Variants in TFEC observed in about 807,000 individuals in gnomAD.
TFEC encodes transcription factor EC.
Under a neutral mutation model 41.6 loss-of-function variants are expected in TFEC, and 31 were observed. That is an observed-to-expected ratio of 0.74 (90% CI 0.56 to 1.01). The LOEUF (loss-of-function observed/expected upper bound fraction) is 1.01, where lower values mean the gene tolerates loss of function less well. Ranked by LOEUF, TFEC falls within the 50% of genes least tolerant of loss-of-function variation. TFEC has a pLI of 0.00. For missense variants in TFEC, 402 were observed against 404.1 expected (o/e 0.99, Z 0.04); for synonymous variants, 143 against 140.6 (o/e 1.02, Z -0.12).
intron 3 of TFEC, among the ~76,000 whole-genome samples, chr7:116,061,353 A>G (rs1231965475): frequency 6.6e-6 from 1 of 152,190 alleles, no homozygotes; most frequent in African/African-American, 2.4e-5. Flanking sequence ...AGGGCAATTC[A>G]GCATAAAAGG....
chr7:116,026,379 T>C (rs1005621318), intron 1 of TFEC, among the ~76,000 whole-genome samples: 3 of 152,212 alleles, frequency 2.0e-5, no homozygotes. Context: ...TATACTTTCA[T>C]TGTAACATTT....
chr7:116,110,798 G>T (rs1187105019), exon 3 of TFEC: 2 of 1,547,932 alleles, frequency 1.3e-6, no homozygotes, highest in African/African-American at 2.7e-5. Flanking sequence ...ACTGCATGTG[G>T]AACTCTGTTC....
In TFEC at chr7:115,993,099, CA is replaced by C. The variant is rs761461272; in HGVS notation, c.-72-8587del. Among the ~76,000 whole-genome samples the C allele has an allele frequency of 5.9e-5, 9 of 152,276 alleles. No individual in the cohort carries two copies. The East Asian group carries it at 1.7e-3, about 29-fold the overall frequency. On this transcript the variant is annotated intron_variant, in intron 1 of 7. Coordinates refer to ENST00000265440, the MANE Select transcript of TFEC (RefSeq NM_012252.4). ...TTCATCATATAAACAGAACCAAAGACAAAAACCACATGATTATCTCAACAGA... is the reference window on the plus strand; with the variant it reads ...TTCATCATATAAACAGAACCAAAGACAAAACCACATGATTATCTCAACAGA...
At chr7:115,951,041 ATGGG>A in intron 5 of TFEC, 92 bp from the exon 6 acceptor site, 1 of 671,554 alleles carries the variant, frequency 1.5e-6, no homozygotes, top group Middle Eastern at 4.4e-4. Context: ...TTTAAAAACA[ATGGG>A]AAAAAAACTT....
chr7:115,937,752 A>G lies in TFEC; in HGVS notation c.*2799T>C, dbSNP rs756234622. 6.6e-6 allele frequency: 1 copy of G among 151,742 alleles called. No individual in the cohort carries two copies. Among genetic ancestry groups the G allele is most frequent in the African/African-American group, 2.4e-5 (1 of 41,410 alleles). The allele number at this position is 151,742 out of a possible 1,614,324, so 9.4% of individuals were successfully genotyped here. A position where few individuals can be genotyped will look rare whatever the true frequency, so the allele number is the denominator to read the frequency against. On this transcript the variant is annotated 3_prime_UTR_variant, in exon 8 of 8. Coordinates refer to ENST00000265440, the MANE Select transcript of TFEC (RefSeq NM_012252.4). The stretch of plus-strand genomic sequence containing the variant: ...AAGGGTCCCCCCATTGTTATACATG[A>G]CATTAACCGCACACCTAAGAGACCT...
intron 4 of TFEC, 91 bp downstream of exon 4, chr7:115,956,588 C>G (rs1443162305): frequency 1.4e-6 from 1 of 705,368 alleles, no homozygotes; most frequent in Non-Finnish European, 2.0e-6. Flanking sequence ...TTTTGTTATA[C>G]TTTTAAAATC....
chr7:116,050,847 T>C (rs1358061752), intron 3 of TFEC, among the ~76,000 whole-genome samples: 1 of 152,156 alleles, frequency 6.6e-6, no homozygotes, highest in African/African-American at 2.4e-5. Context: ...CACATGCACA[T>C]GTATTTTTAT....
At chr7:116,074,624 G>A (rs1162847370) in intron 3 of TFEC, among the ~76,000 whole-genome samples, 1 of 152,130 alleles carries the variant, frequency 6.6e-6, no homozygotes, top group African/African-American at 2.4e-5. Context: ...TGGTGAGGAT[G>A]TGGAGAAACT....
rs543115396 is a variant in TFEC, at chr7:116,108,435, T to C, written c.198+2273A>G. Reference sequence around the variant, plus strand: ...ATACACCACACCAATGGTGCAAGCTTTTCTTTCATCGAATTTATTTATTTC... The same window carrying C: ...ATACACCACACCAATGGTGCAAGCTCTTCTTTCATCGAATTTATTTATTTC... On this transcript the variant is annotated intron_variant, in intron 3 of 8. Coordinates refer to the TFEC transcript ENST00000484212. Among the ~76,000 whole-genome samples, 4 of 152,236 alleles carry C rather than the reference T, an allele frequency of 2.6e-5. No individual in the cohort carries two copies. In the East Asian group the frequency reaches 7.7e-4, roughly 29 times the overall value.
At chr7:115,991,923 T>C (rs1794135541) in intron 1 of TFEC, among the ~76,000 whole-genome samples, 1 of 152,108 alleles carries the variant, frequency 6.6e-6, no homozygotes, top group Admixed American at 6.6e-5. Flanking sequence ...AGCACCACAT[T>C]GCCCTTATTC....
intron 3 of TFEC, among the ~76,000 whole-genome samples, chr7:116,045,914 A>G (rs1012154635): frequency 6.6e-6 from 1 of 152,216 alleles, no homozygotes; most frequent in African/African-American, 2.4e-5. Flanking sequence ...CTGGAGTCAA[A>G]GGAGATTATT....
intron 7 of TFEC, 188 bp downstream of exon 7, chr7:115,941,705 C>A: frequency 1.5e-6 from 1 of 648,316 alleles, no homozygotes; most frequent in Non-Finnish European, 2.6e-6. Context: ...CCATCTTGAT[C>A]CTGGATTTCT....
At chr7:116,080,704 T>C (rs1797067398) in intron 3 of TFEC, among the ~76,000 whole-genome samples, 2 of 152,010 alleles carry the variant, frequency 1.3e-5, no homozygotes, top group South Asian at 4.1e-4. Context: ...GATGTTGGCA[T>C]GGATGTGGTG....
chr7:116,014,025 G>A (rs981317186), intron 1 of TFEC, among the ~76,000 whole-genome samples: 1 of 152,022 alleles, frequency 6.6e-6, no homozygotes, highest in Non-Finnish European at 1.5e-5. Context: ...TTAGTCCCTA[G>A]ATTATGTAAT....
upstream of TFEC, among the ~76,000 whole-genome samples, chr7:116,032,229 T>A (rs1046554023): frequency 2.6e-5 from 4 of 152,110 alleles, no homozygotes; most frequent in Non-Finnish European, 5.9e-5. Context: ...GGGTAGTTAC[T>A]TTTTTTACAT....
intron 6 of TFEC, among the ~76,000 whole-genome samples, chr7:115,947,813 A>T (rs1166946955): frequency 8.5e-5 from 13 of 152,098 alleles, no homozygotes; most frequent in Non-Finnish European, 1.8e-4. Flanking sequence ...TAGATTCTGG[A>T]TATTAGCCCT....
At chr7:116,076,063 C>T (rs960123652) in intron 3 of TFEC, among the ~76,000 whole-genome samples, 2 of 152,204 alleles carry the variant, frequency 1.3e-5, no homozygotes, top group African/African-American at 4.8e-5. Flanking sequence ...CTGTTATCCA[C>T]GGCTGAAAGA....
intron 3 of TFEC, among the ~76,000 whole-genome samples, chr7:115,967,558 T>A (rs938975591): frequency 6.6e-6 from 1 of 151,796 alleles, no homozygotes; most frequent in African/African-American, 2.4e-5. Context: ...TCCTCTAAAT[T>A]TGTTTTCTTT....
rs57742551 is a variant in TFEC, at chr7:116,062,560, C to CATATATATATAT, written c.198+48136_198+48147dup. 1.9e-3 allele frequency among the ~76,000 whole-genome samples: 193 copies of CATATATATATAT among 101,620 alleles called. 1 individual carries two copies. Among genetic ancestry groups the CATATATATATAT allele is most frequent in the Non-Finnish European group, 2.4e-3 (117 of 49,542 alleles). The allele number at this position is 101,620 out of a possible 152,430, so 66.7% of individuals were successfully genotyped here. On this transcript the variant is annotated intron_variant, in intron 3 of 8. Transcript: ENST00000484212. Reference sequence around the variant, plus strand: ...TTCCTTTTTATAGCTGAGTAGTACTCATATATATATATATATATATATATA... The same window carrying CATATATATATAT: ...TTCCTTTTTATAGCTGAGTAGTACTCATATATATATATATATATATATATATATATATATATA...
Sources: gnomAD v4.1 joint callset for allele counts (sites outside exome capture counted in the v4.1 genomes callset) on GRCh38, gnomAD v4.1.1 for gene constraint, MANE v1.5 for transcripts, NCBI Gene and HGNC (gene_info 2026-07-23, HGNC 2026-07-21) for gene names.